The following PHF21B variants were observed in gnomAD, a reference collection of about 807,000 sequenced individuals.
PHF21B encodes the protein PHD finger protein 4.
Under a neutral mutation model 62.2 loss-of-function variants are expected in PHF21B, and 22 were observed. That is an observed-to-expected ratio of 0.35 (90% CI 0.25 to 0.51). PHF21B has a LOEUF of 0.51. Ranked by LOEUF, PHF21B falls within the 20% of genes least tolerant of loss-of-function variation. The pLI, the probability that PHF21B is intolerant of heterozygous loss-of-function variation, is 0.97. For missense variants in PHF21B, 701 were observed against 707.9 expected (o/e 0.99, Z 0.11); for synonymous variants, 341 against 314.7 (o/e 1.08, Z -0.88).
chr22:44,891,872 G>T (rs73178237), intron 7 of PHF21B, among the ~76,000 whole-genome samples: 1 of 152,176 alleles, frequency 6.6e-6, no homozygotes, highest in Non-Finnish European at 1.5e-5. Context: ...AGGCCACACC[G>T]GTCTAAACCT....
chr22:44,891,501 G>A (rs2070964605), intron 7 of PHF21B, 141 bp from the exon 8 acceptor site: 1 of 928,818 alleles, frequency 1.1e-6, no homozygotes, highest in East Asian at 2.6e-5. Flanking sequence ...CCCTGCCAGG[G>A]GCAGAAATAG....
At chr22:44,949,301 C>CAAAAA (rs1173438062) in intron 2 of PHF21B, among the ~76,000 whole-genome samples, 12 of 42,408 alleles carry the variant, frequency 2.8e-4, no homozygotes, top group East Asian at 8.1e-4. Context: ...AACTCCATCT[C>CAAAAA]AAAAAAAAGA....
At chr22:44,965,957 C>T (rs1287105630) in intron 2 of PHF21B, among the ~76,000 whole-genome samples, 1 of 152,242 alleles carries the variant, frequency 6.6e-6, no homozygotes, top group African/African-American at 2.4e-5. Flanking sequence ...TCCAGAAATC[C>T]CACTTCCAAA....
chr22:44,882,064 C>T lies in PHF21B; in HGVS notation c.*1022G>A, dbSNP rs1353764103. The T allele has an allele frequency of 6.5e-6, 1 of 152,760 alleles. No individual in the cohort carries two copies. The highest frequency in any genetic ancestry group is 1.5e-5 in the Non-Finnish European group (1 of 68,070). The allele number at this position is 152,760 out of a possible 1,614,324, so 9.5% of individuals were successfully genotyped here. A position where few individuals can be genotyped will look rare whatever the true frequency, so the allele number is the denominator to read the frequency against. ...AGGAAGTCAGCCAGAGTCCCCCCAA[C>T]CATTCACATTAAATATCTCACAATA... On this transcript the variant is annotated 3_prime_UTR_variant, in exon 13 of 13. Coordinates refer to ENST00000313237, the MANE Select transcript of PHF21B (RefSeq NM_138415.5).
chr22:44,987,797 C>G (rs2147497006), intron 2 of PHF21B, among the ~76,000 whole-genome samples: 1 of 152,170 alleles, frequency 6.6e-6, no homozygotes, highest in South Asian at 2.1e-4. Context: ...TCCTCTCCCC[C>G]TCCCCCTTCC....
intron 2 of PHF21B, among the ~76,000 whole-genome samples, chr22:44,980,013 G>A (rs2072809026): frequency 8.0e-6 from 1 of 125,490 alleles, no homozygotes; most frequent in Admixed American, 1.1e-4. Flanking sequence ...AGGCTACAGT[G>A]AGCTAAGATC....
intron 2 of PHF21B, 22 bp from the exon 3 acceptor site, chr22:44,920,512 C>T (rs747655044): frequency 7.6e-6 from 12 of 1,583,452 alleles, no homozygotes; most frequent in East Asian, 2.3e-5. Context: ...AGGAGGGCAA[C>T]GCTGAGACAG....
intron 2 of PHF21B, among the ~76,000 whole-genome samples, chr22:44,973,542 G>A (rs556437552): frequency 6.6e-6 from 1 of 152,226 alleles, no homozygotes; most frequent in South Asian, 2.1e-4. Context: ...AGCTGAGTGG[G>A]GGCTACCTCA....
chr22:44,937,779 G>A (rs911986375), intron 2 of PHF21B, among the ~76,000 whole-genome samples: 4 of 152,232 alleles, frequency 2.6e-5, no homozygotes, highest in African/African-American at 7.2e-5. Flanking sequence ...GAATACTCTC[G>A]ATGACACGGA....
In PHF21B at chr22:44,975,014, G is replaced by A. The variant is rs78937509; in HGVS notation, c.120+33531C>T. Among the ~76,000 whole-genome samples the A allele has an allele frequency of 1.3e-4, 20 of 152,082 alleles. No homozygotes were observed. The East Asian group carries it at 3.1e-3, about 24-fold the overall frequency. On this transcript the variant is annotated intron_variant, in intron 2 of 12. Coordinates refer to ENST00000313237, the MANE Select transcript of PHF21B (RefSeq NM_138415.5). ...AAGAATCCTCAGACATCCTCCTGTC[G>A]GTCTCTGTCTCTCCTCCAGCATGGA...
chr22:44,980,068 CAAAAAAAAAAAAAAAAAAA>C (rs71190605), intron 2 of PHF21B, among the ~76,000 whole-genome samples: 1 of 57,198 alleles, frequency 1.7e-5, no homozygotes, highest in Non-Finnish European at 3.0e-5. Context: ...GACTTCGTCT[CAAAAAAAAAAAAAAAAAAA>C]AAAAAAAAAG....
intron 6 of PHF21B, among the ~76,000 whole-genome samples, chr22:44,893,792 C>T (rs1279813047): frequency 6.6e-6 from 1 of 152,262 alleles, no homozygotes; most frequent in Non-Finnish European, 1.5e-5. Context: ...CAGGTGCCCA[C>T]TCTTAGCACG....
At chr22:44,980,135 C>T (rs1410129165) in intron 2 of PHF21B, among the ~76,000 whole-genome samples, 1 of 150,650 alleles carries the variant, frequency 6.6e-6, no homozygotes, top group Admixed American at 6.6e-5. Flanking sequence ...TACGAGGCCA[C>T]TGCATTTACT....
intron 2 of PHF21B, among the ~76,000 whole-genome samples, chr22:45,004,280 C>T (rs757704322): frequency 1.3e-5 from 2 of 151,960 alleles, no homozygotes; most frequent in South Asian, 2.1e-4. Flanking sequence ...TTTAAGTAGA[C>T]GCAGTGAAGG....
chr22:44,929,035 A>C (rs1228504200), intron 2 of PHF21B, among the ~76,000 whole-genome samples: 1 of 152,182 alleles, frequency 6.6e-6, no homozygotes, highest in South Asian at 2.1e-4. Context: ...TCCTCTCCAC[A>C]TGGCCCAGCC....
chr22:44,899,327 G>C (rs947314400), intron 5 of PHF21B, among the ~76,000 whole-genome samples: 1 of 108,704 alleles, frequency 9.2e-6, no homozygotes, highest in Non-Finnish European at 1.7e-5. Flanking sequence ...CTTCGCTCTT[G>C]TCACCCAGCC....
intron 7 of PHF21B, 67 bp downstream of exon 7, chr22:44,893,389 CT>C (rs927119567): frequency 1.3e-6 from 2 of 1,488,944 alleles, no homozygotes; most frequent in Non-Finnish European, 9.1e-7. Flanking sequence ...GGCCCTGGGA[CT>C]TTTCCTGGAG....
At chr22:44,894,588 C>A (rs562880923) in intron 6 of PHF21B, among the ~76,000 whole-genome samples, 1 of 152,156 alleles carries the variant, frequency 6.6e-6, no homozygotes, top group African/African-American at 2.4e-5. Context: ...CACCATCAGG[C>A]GGGGAGCTCA....
At chr22:44,946,106 G>T (rs1156807166) in intron 2 of PHF21B, among the ~76,000 whole-genome samples, 2 of 147,670 alleles carry the variant, frequency 1.4e-5, no homozygotes, top group African/African-American at 2.7e-5. Flanking sequence ...CCTGCGGGAG[G>T]GAAGCATGGG....
Sources: gnomAD v4.1 joint callset for allele counts (sites outside exome capture counted in the v4.1 genomes callset) on GRCh38, gnomAD v4.1.1 for gene constraint, MANE v1.5 for transcripts, NCBI Gene and HGNC (gene_info 2026-07-23, HGNC 2026-07-21) for gene names.